Variants in TOGARAM2 observed in about 807,000 individuals in gnomAD.
TOGARAM2 encodes the protein TOG array regulator of axonemal microtubules protein 2.
A neutral mutation model predicts 93.3 loss-of-function variants in TOGARAM2; 85 were observed. The observed-to-expected ratio is 0.91, with a 90% CI of 0.76 to 1.09. TOGARAM2 has a LOEUF of 1.09. TOGARAM2 is among the 50% of genes least tolerant of loss of function. TOGARAM2 has a pLI of 0.00. For synonymous variants in TOGARAM2, 593 were observed against 552.8 expected (o/e 1.07, Z -1.02); for missense variants, 1,277 against 1,334.5 (o/e 0.96, Z 0.67).
intron 18 of TOGARAM2, among the ~76,000 whole-genome samples, chr2:29,041,029 T>C (rs1163911886): frequency 6.6e-6 from 1 of 151,292 alleles, no homozygotes; most frequent in Non-Finnish European, 1.5e-5. Context: ...GAGTCACTTT[T>C]TTTTTTTTTT....
intron 1 of TOGARAM2, among the ~76,000 whole-genome samples, chr2:28,962,115 C>T (rs917870003): frequency 2.0e-5 from 3 of 151,322 alleles, no homozygotes; most frequent in Non-Finnish European, 2.9e-5. Flanking sequence ...CTTTTTGGGA[C>T]ACGTAAGTCT....
chr2:29,020,962 G>A (rs1035806954), intron 10 of TOGARAM2, among the ~76,000 whole-genome samples: 19 of 152,278 alleles, frequency 1.2e-4, no homozygotes, highest in South Asian at 1.0e-3. Context: ...CGCCCAGGCT[G>A]GAGTGCAGTG....
At chr2:29,049,585 C>A (rs6547905) in intron 19 of TOGARAM2, 33,294 of 152,278 alleles carry the variant, frequency 0.22, 4,439 homozygotes, top group Middle Eastern at 0.37. Context: ...TTCCCCTCAT[C>A]TCCCACCCTG....
chr2:28,962,544 A>G (rs1421549153), intron 1 of TOGARAM2, among the ~76,000 whole-genome samples: 1 of 151,972 alleles, frequency 6.6e-6, no homozygotes, highest in African/African-American at 2.4e-5. Context: ...TTGATGTTGC[A>G]TGTGTCTGTA....
chr2:29,023,004 T>C, intron 11 of TOGARAM2, 82 bp from the exon 12 acceptor site: 2 of 1,199,896 alleles, frequency 1.7e-6, no homozygotes, highest in Non-Finnish European at 1.2e-6. Flanking sequence ...TGATGGTGTG[T>C]GATGTGGGGC....
intron 1 of TOGARAM2, among the ~76,000 whole-genome samples, chr2:28,982,314 G>A (rs931724059): frequency 6.6e-6 from 1 of 152,202 alleles, no homozygotes; most frequent in Non-Finnish European, 1.5e-5. Context: ...TGGTGCTGGC[G>A]GGGGACCTCA....
intron 1 of TOGARAM2, among the ~76,000 whole-genome samples, chr2:28,973,739 G>A (rs2148225203): frequency 6.6e-6 from 1 of 152,086 alleles, no homozygotes; most frequent in Non-Finnish European, 1.5e-5. Context: ...TGTTGCCCAG[G>A]CTGGTCTCAA....
chr2:29,010,304 G>A (rs1485520752), intron 6 of TOGARAM2, among the ~76,000 whole-genome samples: 1 of 152,130 alleles, frequency 6.6e-6, no homozygotes, highest in East Asian at 1.9e-4. Context: ...GGCCTAGTGG[G>A]CGAGCTCCCC....
chr2:28,975,048 T>C (rs1672004420), intron 1 of TOGARAM2, among the ~76,000 whole-genome samples: 1 of 152,130 alleles, frequency 6.6e-6, no homozygotes. Context: ...AATGCTGTTA[T>C]TTATATTGTA....
At chr2:29,024,667 C>T (rs1476605043) in intron 13 of TOGARAM2, among the ~76,000 whole-genome samples, 6 of 152,174 alleles carry the variant, frequency 3.9e-5, no homozygotes, top group Admixed American at 2.0e-4. Context: ...AACCTTTCAT[C>T]GGCCAGGCCG....
intron 8 of TOGARAM2, 24 bp downstream of exon 8, chr2:29,014,585 G>A: frequency 6.4e-7 from 1 of 1,557,216 alleles, no homozygotes; most frequent in African/African-American, 1.4e-5. Flanking sequence ...GGGAGGAGGA[G>A]GAAGTGGGGC....
intron 16 of TOGARAM2, among the ~76,000 whole-genome samples, chr2:29,034,542 G>T (rs995343487): frequency 2.6e-5 from 4 of 152,230 alleles, no homozygotes; most frequent in Non-Finnish European, 4.4e-5. Flanking sequence ...GTGGAATGCA[G>T]GAGTGAATCA....
chr2:29,043,960 G>C (rs1003203825), intron 18 of TOGARAM2, among the ~76,000 whole-genome samples: 1 of 152,262 alleles, frequency 6.6e-6, no homozygotes, highest in African/African-American at 2.4e-5. Flanking sequence ...TCGGGAATAT[G>C]AAGGAGCCAG....
Position 29,026,613 on chromosome 2 carries a change from G to C in TOGARAM2, c.1854-240G>C, listed in dbSNP as rs77450844. Among the ~76,000 whole-genome samples the C allele has an allele frequency of 5.4e-3, 817 of 152,312 alleles. 2 individuals are homozygous for C. Among genetic ancestry groups the C allele is most frequent in the Non-Finnish European group, 8.5e-3 (581 of 68,018 alleles). ...AGAACGGTATGCATACGGTGTATTG[G>C]GGAACCTCGTGTAGCTTCATGTCAC... On this transcript the variant is annotated intron_variant, in intron 13 of 19. Transcript: ENST00000379558.
intron 1 of TOGARAM2, among the ~76,000 whole-genome samples, chr2:28,962,234 G>A (rs1023652761): frequency 6.7e-6 from 1 of 150,330 alleles, no homozygotes; most frequent in Admixed American, 6.6e-5. Flanking sequence ...GGAGTGCACT[G>A]TCATGATCTC....
intron 6 of TOGARAM2, among the ~76,000 whole-genome samples, chr2:29,005,131 GTGTA>G (rs1237114387): frequency 1.0e-5 from 1 of 99,146 alleles, no homozygotes; most frequent in Non-Finnish European, 2.1e-5. Context: ...GTGTGTGCAT[GTGTA>G]TGTGTGTGAG....
chr2:29,025,102 G>A (rs552596833), intron 13 of TOGARAM2, among the ~76,000 whole-genome samples: 2 of 152,308 alleles, frequency 1.3e-5, no homozygotes, highest in East Asian at 3.9e-4. Context: ...AGCCCCAGGG[G>A]CCTGTTGGAC....
chr2:28,980,879 CA>C (rs1672154205), upstream of TOGARAM2, among the ~76,000 whole-genome samples: 1 of 152,164 alleles, frequency 6.6e-6, no homozygotes, highest in South Asian at 2.1e-4. Context: ...AAACTGAGGT[CA>C]AGAAAGGTAA....
At chr2:28,991,914 G>C (rs774745533) in intron 1 of TOGARAM2, among the ~76,000 whole-genome samples, 1 of 152,210 alleles carries the variant, frequency 6.6e-6, no homozygotes, top group Non-Finnish European at 1.5e-5. Context: ...CCTGGGCTGG[G>C]AAACGGAGGC....
Sources: gnomAD v4.1 joint callset for allele counts (sites outside exome capture counted in the v4.1 genomes callset) on GRCh38, gnomAD v4.1.1 for gene constraint, MANE v1.5 for transcripts, NCBI Gene and HGNC (gene_info 2026-07-23, HGNC 2026-07-21) for gene names.